Variants in SCYL2 observed in about 807,000 individuals in gnomAD.
SCYL2 encodes SCY1 like pseudokinase 2.
A neutral mutation model predicts 100.4 loss-of-function variants in SCYL2; 36 were observed. The observed-to-expected ratio is 0.36, with a 90% CI of 0.27 to 0.47. SCYL2 has a LOEUF of 0.47. Among genes scored for constraint, SCYL2 ranks in the 20% least tolerant of loss-of-function variants. The pLI is 1.00. For missense variants in SCYL2, 902 were observed against 1,083.9 expected (o/e 0.83, Z 2.36); for synonymous variants, 330 against 359.2 (o/e 0.92, Z 0.92).
At chr12:100,285,861 G>C (rs1420799595) in intron 2 of SCYL2, among the ~76,000 whole-genome samples, 1 of 151,854 alleles carries the variant, frequency 6.6e-6, no homozygotes. Flanking sequence ...AAATGCTCTT[G>C]GTTGGATTTC....
chr12:100,286,286 G>T (rs1319960448), intron 2 of SCYL2, among the ~76,000 whole-genome samples: 1 of 152,154 alleles, frequency 6.6e-6, no homozygotes, highest in South Asian at 2.1e-4. Context: ...ATGTAATTTT[G>T]CCTGGTCTTG....
At position 100,335,371 on chromosome 12, in the gene SCYL2, TTGACTGGTTTTA is replaced by T. The variant is rs145047740; in HGVS notation, c.1863-249_1863-238del. Among the ~76,000 whole-genome samples, 1,191 of 152,198 alleles carry T rather than the reference TTGACTGGTTTTA, an allele frequency of 7.8e-3. 16 individuals carry two copies. Among genetic ancestry groups the T allele is most frequent in the African/African-American group, 0.027 (1,141 of 41,574 alleles). ...AAGCTCTTTGACAAGAGAACCATGC[TTGACTGGTTTTA>T]TGACACCTTGAATAAATTCTCCAGT... On this transcript the variant is annotated intron_variant, in intron 14 of 17. Transcript: ENST00000360820.
At chr12:100,301,127 G>A (rs560326232) in intron 4 of SCYL2, among the ~76,000 whole-genome samples, 3 of 152,268 alleles carry the variant, frequency 2.0e-5, no homozygotes, top group South Asian at 4.1e-4. Flanking sequence ...CAGTGTACGA[G>A]GGTTCTATAT....
At chr12:100,281,272 A>C (rs926885545) in intron 1 of SCYL2, among the ~76,000 whole-genome samples, 1 of 151,622 alleles carries the variant, frequency 6.6e-6, no homozygotes, top group Non-Finnish European at 1.5e-5. Flanking sequence ...CAAGTGATCC[A>C]CCTCCATCAG....
chr12:100,298,380 C>T (rs977369088), intron 4 of SCYL2, among the ~76,000 whole-genome samples: 1 of 152,162 alleles, frequency 6.6e-6, no homozygotes, highest in East Asian at 1.9e-4. Flanking sequence ...AAACTGATAA[C>T]ATTGGTAACC....
At chr12:100,308,288 C>A (rs889170898) in intron 4 of SCYL2, among the ~76,000 whole-genome samples, 54 of 152,286 alleles carry the variant, frequency 3.5e-4, no homozygotes, top group Non-Finnish European at 3.2e-4. Flanking sequence ...ACATATACAC[C>A]ATGGAATACT....
At chr12:100,310,185 G>A (rs183681660) in intron 4 of SCYL2, among the ~76,000 whole-genome samples, 3 of 152,192 alleles carry the variant, frequency 2.0e-5, no homozygotes, top group East Asian at 3.9e-4. Context: ...TTTTAGTATT[G>A]ACGGGGTTTC....
At chr12:100,282,857 A>C (rs1566344979) in intron 1 of SCYL2, 86 bp from the exon 2 acceptor site, 2 of 601,952 alleles carry the variant, frequency 3.3e-6, no homozygotes, top group South Asian at 3.3e-5. Context: ...TGTTTGGGAG[A>C]TCTTACACTT....
At chr12:100,295,545 G>A (rs1470295840) in intron 3 of SCYL2, among the ~76,000 whole-genome samples, 1 of 152,002 alleles carries the variant, frequency 6.6e-6, no homozygotes, top group Non-Finnish European at 1.5e-5. Flanking sequence ...AAAAAAATAC[G>A]AAAACCAGTC....
chr12:100,297,697 A>G (rs1387593501), intron 3 of SCYL2, among the ~76,000 whole-genome samples: 5 of 152,210 alleles, frequency 3.3e-5, no homozygotes, highest in Non-Finnish European at 7.3e-5. Context: ...AGTATTTTGA[A>G]TTAGTTTATT....
intron 2 of SCYL2, among the ~76,000 whole-genome samples, chr12:100,290,723 T>C (rs1390387768): frequency 6.6e-6 from 1 of 152,216 alleles, no homozygotes; most frequent in Non-Finnish European, 1.5e-5. Flanking sequence ...GCTAGCATTC[T>C]TTGCTAATTT....
chr12:100,312,699 T>C (rs2096343690), intron 6 of SCYL2, 46 bp downstream of exon 6: 2 of 1,404,534 alleles, frequency 1.4e-6, no homozygotes, highest in Non-Finnish European at 9.9e-7. Context: ...ATTTATTAAA[T>C]GTGTCTTTGA....
intron 10 of SCYL2, among the ~76,000 whole-genome samples, chr12:100,320,813 T>TCCC (rs1391742078): frequency 1.3e-5 from 2 of 151,980 alleles, no homozygotes; most frequent in African/African-American, 4.8e-5. Context: ...TGATCTTCTG[T>TCCC]AAGGAAGCTC....
chr12:100,316,862 C>G (rs145772017), intron 9 of SCYL2, among the ~76,000 whole-genome samples: 1 of 152,130 alleles, frequency 6.6e-6, no homozygotes, highest in African/African-American at 2.4e-5. Context: ...AGTTCTTTGT[C>G]GTGTCAAAGC....
intron 1 of SCYL2, among the ~76,000 whole-genome samples, chr12:100,275,762 A>G (rs1041198364): frequency 5.3e-5 from 8 of 152,332 alleles, no homozygotes; most frequent in South Asian, 2.1e-4. Flanking sequence ...TCTGAAACTT[A>G]GGGAGAAAAG....
At chr12:100,335,568 G>A (rs1952264511) in intron 14 of SCYL2, 57 bp from the exon 15 acceptor site, 3 of 1,256,032 alleles carry the variant, frequency 2.4e-6, no homozygotes, top group Non-Finnish European at 3.4e-6. Flanking sequence ...TTTGGCATGA[G>A]TATTTAAAAA....
chr12:100,331,313 C>T (rs1375964868), intron 13 of SCYL2, among the ~76,000 whole-genome samples: 1 of 152,022 alleles, frequency 6.6e-6, no homozygotes, highest in Admixed American at 6.6e-5. Flanking sequence ...TTTAAATATT[C>T]CCAAATGCTT....
At chr12:100,288,023 T>A (rs1212731446) in intron 2 of SCYL2, among the ~76,000 whole-genome samples, 36 of 152,164 alleles carry the variant, frequency 2.4e-4, no homozygotes, top group Admixed American at 2.4e-3. Context: ...AAATGATGTG[T>A]GTTAGCAGAG....
intron 1 of SCYL2, among the ~76,000 whole-genome samples, chr12:100,272,297 G>GA (rs2096288522): frequency 6.6e-6 from 1 of 152,234 alleles, no homozygotes; most frequent in Middle Eastern, 3.4e-3. Flanking sequence ...AAGGAAAAAT[G>GA]AAAAGCTATC....
Sources: allele counts gnomAD v4.1 joint callset (sites outside exome capture counted in the v4.1 genomes callset), GRCh38; gene constraint gnomAD v4.1.1; transcripts MANE v1.5; gene names NCBI Gene and HGNC (gene_info 2026-07-23, HGNC 2026-07-21).